CIT: variants seen among roughly 807,000 people sequenced by gnomAD.
CIT encodes citron Rho-interacting kinase.
Under a neutral mutation model 272.7 loss-of-function variants are expected in CIT, and 79 were observed. That is an observed-to-expected ratio of 0.29 (90% confidence interval 0.24 to 0.35). The LOEUF (loss-of-function observed/expected upper bound fraction) is 0.35. Among genes scored for constraint, CIT ranks in the 10% least tolerant of loss-of-function variants. The probability of loss-of-function intolerance (pLI) is 1.00; values close to 1 mark genes in which losing one functional copy is unlikely to be tolerated. For missense variants in CIT, 1,909 were observed against 2,618.3 expected (o/e 0.73, Z 5.91); for synonymous variants, 948 against 995.6 (o/e 0.95, Z 0.90).
At chr12:119,756,114 G>A (rs1266668637) in intron 22 of CIT, among the ~76,000 whole-genome samples, 1 of 152,214 alleles carries the variant, frequency 6.6e-6, no homozygotes, top group Non-Finnish European at 1.5e-5. Context: ...GCAGAGAGAT[G>A]AGGCAGCTTG....
In CIT at chr12:119,708,315, T is replaced by A; in HGVS notation, c.5075A>T (p.Glu1692Val). ...GTCCACAAGACACAGTGCCCGCTCTTCTCCTGAACAGGAAAAGGAACAACC... is the reference window on the plus strand; with the variant it reads ...GTCCACAAGACACAGTGCCCGCTCTACTCCTGAACAGGAAAAGGAACAACC... ...DLEKLLMIAG[E>V]ERALCLVDVK... The change falls in exon 40 of 48, where the codon GAA becomes GTA. Residue 1692 changes from glutamate (E) to valine (V), a missense_variant. This residue lies in a region of CIT where 780 missense variants were observed against 1,067.2 expected (regional missense o/e 0.73). Transcript: ENST00000392521. The A allele has an allele frequency of 6.3e-7, 1 of 1,582,488 alleles. No individual in the cohort carries two copies. The highest frequency in any genetic ancestry group is 8.6e-7 in the Non-Finnish European group (1 of 1,164,050).
Position 119,770,668 on chromosome 12 carries a change from A to G in CIT, c.2208+117T>C. 4 of 1,207,060 alleles carry G rather than the reference A, an allele frequency of 3.3e-6. No individual in the cohort carries two copies. The South Asian group carries it at 5.6e-5, about 17-fold the overall frequency. 74.8% of individuals were successfully genotyped at this position (1,207,060 alleles called of 1,614,324 possible). On this transcript the variant is annotated intron_variant, in intron 18 of 47. Transcript: ENST00000392521. This position sits in a 1 kb window ranked among gnomAD's most constrained non-coding sequence, Gnocchi z 4.4. ...GCATATGCTGAAACCACCTCACTCA[A>G]TTCATCTACTTGGAGATACCTCCCT...
At chr12:119,841,177 CTTTT>C (rs746369072) in intron 5 of CIT, among the ~76,000 whole-genome samples, 1 of 142,544 alleles carries the variant, frequency 7.0e-6, no homozygotes. Flanking sequence ...TTTATTTAAC[CTTTT>C]TTTTTTTTTT....
In CIT at chr12:119,712,681, C is replaced by T. The variant is rs1410315936; in HGVS notation, c.4594G>A (p.Val1532Met). Residue 1532 changes from valine to methionine, a missense_variant, in exon 36 of 48, where the codon GTG becomes ATG. Physicochemically the swap from Val to Met is conservative, Grantham distance 21 (BLOSUM62 1). Coordinates refer to ENST00000392521, the MANE Select transcript of CIT (RefSeq NM_001206999.2). The surrounding 1 kb of genome is among the most constrained non-coding windows in gnomAD (Gnocchi z 5.2). ...NEAREAGQRP[V>M]EEFELCLPDG... ...GGAAGGCACAGCTCAAATTCTTCCA[C>T]CGGCCTCTGTCCAGCTTGGTGCAAA... 1 of 1,613,978 alleles carries T rather than the reference C, an allele frequency of 6.2e-7. No individual in the cohort carries two copies. The highest frequency in any genetic ancestry group is 1.1e-5 in the South Asian group (1 of 91,080).
rs554524075 is a variant in CIT, at chr12:119,867,432, G to A, written c.238+1628C>T. 2.3e-4 allele frequency among the ~76,000 whole-genome samples: 35 copies of A among 152,180 alleles called. 1 individual carries two copies. The South Asian group carries it at 6.8e-3, about 30-fold the overall frequency. On this transcript the variant is annotated intron_variant, in intron 3 of 47. Coordinates refer to ENST00000392521, the MANE Select transcript of CIT (RefSeq NM_001206999.2). ...TGGAACTCCTGACCTCAAGTGATCC[G>A]CCGCCTCAGCCTCCCAAAGCGCTGG...
chr12:119,803,416 G>A, intron 9 of CIT, 27 bp from the exon 10 acceptor site: 1 of 1,504,358 alleles, frequency 6.6e-7, no homozygotes, highest in Non-Finnish European at 8.9e-7. Context: ...AAGAAAGGAG[G>A]CGGGGAGGAA....
At chr12:119,831,617 C>T (rs1968637866) in intron 7 of CIT, among the ~76,000 whole-genome samples, 1 of 152,220 alleles carries the variant, frequency 6.6e-6, no homozygotes, top group Non-Finnish European at 1.5e-5. Flanking sequence ...TGCCTGTAAT[C>T]CCAGCACTTT....
chr12:119,763,795 TAA>T (rs1962104722), intron 19 of CIT, among the ~76,000 whole-genome samples: 1 of 152,162 alleles, frequency 6.6e-6, no homozygotes, highest in Admixed American at 6.5e-5. Flanking sequence ...AAGAATGAAT[TAA>T]AGGCTTGATC....
Position 119,822,935 on chromosome 12 carries a change from A to G in CIT, c.996T>C (p.Ser332=). Residue 332 remains serine (S), a synonymous_variant, in exon 9 of 48, where the codon AGT becomes AGC. Transcript: ENST00000392521. ...AGCTTTGAATCAGATCAAGAAAGTC[A>G]CTGCTCACTTTGGGGTCATCTGGAA... ...LKFPDDPKVS[S]DFLDLIQSLL... The G allele has an allele frequency of 6.2e-7, 1 of 1,613,862 alleles. No homozygotes were observed. The highest frequency in any genetic ancestry group is 1.3e-5 in the African/African-American group (1 of 75,044).
chr12:119,869,371 A>G (rs1431273418), intron 2 of CIT, among the ~76,000 whole-genome samples, 170 bp from the exon 3 acceptor site: 1 of 152,226 alleles, frequency 6.6e-6, no homozygotes, highest in East Asian at 1.9e-4. Flanking sequence ...GACAGTCATT[A>G]TGGTATCACT....
At chr12:119,775,966 A>G (rs1236613610) in intron 15 of CIT, 127 bp from the exon 16 acceptor site, 3 of 687,890 alleles carry the variant, frequency 4.4e-6, no homozygotes, top group Non-Finnish European at 7.3e-6. Context: ...AGAACCTATT[A>G]AGGGAGAGGA....
intron 24 of CIT, among the ~76,000 whole-genome samples, chr12:119,735,865 C>T (rs1958723270): frequency 6.6e-6 from 1 of 152,026 alleles, no homozygotes; most frequent in African/African-American, 2.4e-5. Context: ...ATATCACAAG[C>T]AATAAATTTA....
At chr12:119,852,850 T>A (rs766555715) in intron 4 of CIT, among the ~76,000 whole-genome samples, 2 of 152,178 alleles carry the variant, frequency 1.3e-5, no homozygotes, top group Non-Finnish European at 2.9e-5. Context: ...TATGTGTATA[T>A]ACATTCTGTG....
chr12:119,803,457 C>G (rs540326649), intron 9 of CIT, 68 bp from the exon 10 acceptor site: 28 of 1,168,866 alleles, frequency 2.4e-5, no homozygotes, highest in Non-Finnish European at 3.1e-5. Flanking sequence ...AACACTGTTG[C>G]GGAGAAGATC....
chr12:119,837,612 A>G (rs926915727), intron 5 of CIT, among the ~76,000 whole-genome samples: 1 of 152,214 alleles, frequency 6.6e-6, no homozygotes. Context: ...GTTTTGTCCA[A>G]AAATGTAACT....
chr12:119,763,380 T>C (rs537049139), intron 19 of CIT, among the ~76,000 whole-genome samples: 6 of 26,252 alleles, frequency 2.3e-4, no homozygotes, highest in African/African-American at 1.4e-3. Flanking sequence ...GCCACCTGCC[T>C]GGCTAATTTT....
chr12:119,818,226 G>C (rs1967380371), intron 9 of CIT, among the ~76,000 whole-genome samples: 1 of 152,082 alleles, frequency 6.6e-6, no homozygotes, highest in Non-Finnish European at 1.5e-5. Context: ...AAGGAGCATA[G>C]TGTAATATAC....
intron 24 of CIT, among the ~76,000 whole-genome samples, chr12:119,740,841 G>A (rs927076163): frequency 9.2e-5 from 14 of 152,186 alleles, no homozygotes; most frequent in African/African-American, 3.4e-4. Flanking sequence ...CCTCAAGGAA[G>A]GGAGGAGGGA....
At chr12:119,780,162 A>G (rs931490056) in intron 13 of CIT, among the ~76,000 whole-genome samples, 2 of 152,200 alleles carry the variant, frequency 1.3e-5, no homozygotes, top group Non-Finnish European at 2.9e-5. Flanking sequence ...TGTTACCCAC[A>G]CTTTTGTCTC....
Sources: allele counts gnomAD v4.1 joint callset (sites outside exome capture counted in the v4.1 genomes callset), GRCh38; gene constraint gnomAD v4.1.1; regional missense constraint gnomAD v4.1.1; non-coding constraint Gnocchi (gnomAD v3.1); transcripts MANE v1.5; gene names NCBI Gene and HGNC (gene_info 2026-07-23, HGNC 2026-07-21).